The following ST7 variants were observed in gnomAD, a reference collection of about 807,000 sequenced individuals.
ST7 encodes the protein suppressor of tumorigenicity 7 protein.
In ST7, 28 loss-of-function variants were observed where a neutral mutation model predicts 78.7. The ratio of observed to expected loss-of-function variants is 0.36; its 90% CI spans 0.26 to 0.49. ST7 has a LOEUF of 0.49. ST7 is among the 20% of genes least tolerant of loss of function. ST7 has a pLI of 0.99. For synonymous variants in ST7, 247 were observed against 249.6 expected (o/e 0.99, Z 0.10); for missense variants, 418 against 696.0 (o/e 0.60, Z 4.49).
intron 2 of ST7, among the ~76,000 whole-genome samples, chr7:117,112,944 G>T (rs1458358215): frequency 6.6e-6 from 1 of 152,212 alleles, no homozygotes; most frequent in Non-Finnish European, 1.5e-5. Context: ...CCCGTGTCAG[G>T]CAAAGAAAGT....
chr7:117,168,771 T>A (rs1807758588), intron 9 of ST7, among the ~76,000 whole-genome samples: 1 of 152,212 alleles, frequency 6.6e-6, no homozygotes, highest in African/African-American at 2.4e-5. Flanking sequence ...GGGTAAATGA[T>A]TATTGGCTTT....
chr7:117,118,366 G>A (rs1803068397), intron 2 of ST7: 1 of 152,156 alleles, frequency 6.6e-6, no homozygotes, highest in South Asian at 2.1e-4. Flanking sequence ...ATTAAATCAA[G>A]GTGTCCTGTT....
intron 12 of ST7, among the ~76,000 whole-genome samples, chr7:117,206,630 C>T (rs1022806709): frequency 2.6e-5 from 4 of 152,198 alleles, no homozygotes; most frequent in Non-Finnish European, 5.9e-5. Flanking sequence ...CACATATGTA[C>T]TACTGTTTTC....
chr7:117,083,818 C>G (rs1254572205), intron 1 of ST7, among the ~76,000 whole-genome samples: 2 of 151,786 alleles, frequency 1.3e-5, no homozygotes, highest in Non-Finnish European at 1.5e-5. Context: ...AGGCCAGGTG[C>G]AGAGATTTCC....
intron 1 of ST7, among the ~76,000 whole-genome samples, chr7:117,027,535 AT>A (rs1485940811): frequency 4.3e-5 from 5 of 115,282 alleles, no homozygotes; most frequent in Non-Finnish European, 9.7e-5. Flanking sequence ...GTAAAAAAAA[AT>A]AAAATATAAA....
chr7:117,036,490 T>C (rs989091103), intron 1 of ST7, among the ~76,000 whole-genome samples: 2 of 152,134 alleles, frequency 1.3e-5, no homozygotes, highest in Admixed American at 6.5e-5. Context: ...TTTTGTTTAT[T>C]TGATTTTGAG....
At chr7:117,092,278 CAAAAAAAAAAA>C (rs747378081) in intron 1 of ST7, among the ~76,000 whole-genome samples, 6 of 30,298 alleles carry the variant, frequency 2.0e-4, no homozygotes, top group Non-Finnish European at 4.2e-4. Context: ...GACTCCGTCT[CAAAAAAAAAAA>C]AAAAAAAAAA....
chr7:117,111,244 G>A (rs1802407111), intron 2 of ST7, among the ~76,000 whole-genome samples: 1 of 152,292 alleles, frequency 6.6e-6, no homozygotes, highest in East Asian at 1.9e-4. Flanking sequence ...GCATGGAAAT[G>A]CTTAGCAGTT....
chr7:116,981,570 G>A (rs565583058), intron 1 of ST7, among the ~76,000 whole-genome samples: 8 of 152,166 alleles, frequency 5.3e-5, no homozygotes, highest in Non-Finnish European at 1.2e-4. Context: ...TGTCTGTGAG[G>A]ATTCTCTATT....
At position 116,986,226 on chromosome 7, in the gene ST7, G is replaced by C. The variant is rs545186458; in HGVS notation, c.151+32535G>C. Among the ~76,000 whole-genome samples the C allele has an allele frequency of 2.2e-4, 34 of 152,300 alleles. No homozygotes were observed. In the South Asian group the frequency reaches 6.8e-3, roughly 31 times the overall value. ...TAGTTGAAAGTGGGATGATTCTGCT[G>C]TTTCATTCTAACTGTAAGTGGAAAG... is the stretch of plus-strand genomic sequence containing the variant. On this transcript the variant is annotated intron_variant, in intron 1 of 15. Coordinates refer to ENST00000323984, the MANE Select transcript of ST7 (RefSeq NM_001369598.1).
At chr7:117,044,324 C>T (rs1000475057) in intron 1 of ST7, among the ~76,000 whole-genome samples, 1 of 152,176 alleles carries the variant, frequency 6.6e-6, no homozygotes, top group Non-Finnish European at 1.5e-5. Flanking sequence ...GAAAGCTCGG[C>T]AGGTACTAGG....
rs1019546808 is a variant in ST7, at chr7:117,049,867, G to T, written c.152-49895G>T. ...TAGTGACACTTCATATGGGTTCCATGGTGTTATTAAAGATTTACAGTATTG... is the reference window on the plus strand; with the variant it reads ...TAGTGACACTTCATATGGGTTCCATTGTGTTATTAAAGATTTACAGTATTG... On this transcript the variant is annotated intron_variant, in intron 1 of 15. Coordinates refer to ENST00000323984, the MANE Select transcript of ST7 (RefSeq NM_001369598.1). Among the ~76,000 whole-genome samples, 6 of 152,130 alleles carry T rather than the reference G, an allele frequency of 3.9e-5. No individual in the cohort carries two copies. The South Asian group carries it at 8.3e-4, about 21-fold the overall frequency.
chr7:117,057,986 G>C (rs142378996), intron 1 of ST7, among the ~76,000 whole-genome samples: 1 of 152,246 alleles, frequency 6.6e-6, no homozygotes, highest in African/African-American at 2.4e-5. Context: ...GATAATGACT[G>C]TTTCTTGTGT....
chr7:117,024,174 C>T (rs575756840), intron 1 of ST7, among the ~76,000 whole-genome samples: 47 of 152,036 alleles, frequency 3.1e-4, no homozygotes, highest in Non-Finnish European at 5.7e-4. Flanking sequence ...CAATTTTTCT[C>T]TTAAAATTTT....
intron 12 of ST7, among the ~76,000 whole-genome samples, chr7:117,192,941 A>G (rs1809929166): frequency 6.6e-6 from 1 of 152,182 alleles, no homozygotes; most frequent in South Asian, 2.1e-4. Context: ...GAGAGAAGGC[A>G]GGGTAAACTA....
chr7:117,210,552 T>A (rs532081323), intron 13 of ST7, among the ~76,000 whole-genome samples: 57 of 152,246 alleles, frequency 3.7e-4, no homozygotes, highest in African/African-American at 1.3e-3. Context: ...GGGGGAGACA[T>A]GCTCCCTGCA....
At chr7:117,004,619 C>CCACT (rs1795082115) in intron 1 of ST7, among the ~76,000 whole-genome samples, 1 of 151,984 alleles carries the variant, frequency 6.6e-6, no homozygotes, top group Admixed American at 6.6e-5. Flanking sequence ...CTAGATCACA[C>CCACT]CACTGCACTC....
chr7:117,209,228 G>A (rs1386085216), intron 12 of ST7, among the ~76,000 whole-genome samples: 2 of 152,052 alleles, frequency 1.3e-5, no homozygotes, highest in Non-Finnish European at 2.9e-5. Context: ...TCACAGTTTG[G>A]GGTCTATAAT....
chr7:117,188,646 G>T (rs1242970318), intron 10 of ST7, among the ~76,000 whole-genome samples: 1 of 152,130 alleles, frequency 6.6e-6, no homozygotes, highest in Non-Finnish European at 1.5e-5. Context: ...CTGATGACAA[G>T]TGAGGCTTCA....
Sources: gnomAD v4.1 joint callset for allele counts (sites outside exome capture counted in the v4.1 genomes callset) on GRCh38, gnomAD v4.1.1 for gene constraint, MANE v1.5 for transcripts, NCBI Gene and HGNC (gene_info 2026-07-23, HGNC 2026-07-21) for gene names.